Variants in SHC2 observed in about 807,000 individuals in gnomAD.
The protein encoded by SHC2 is SHC adaptor protein 2, also known as SHC-transforming protein 2.
A neutral mutation model predicts 60.6 loss-of-function variants in SHC2; 62 were observed. The observed-to-expected ratio is 1.02, with a 90% CI of 0.83 to 1.26. SHC2 has a LOEUF of 1.26. Ranked by LOEUF, SHC2 falls within the 50% of genes most tolerant of loss-of-function variation. The pLI is 0.00. For synonymous variants in SHC2, 375 were observed against 372.4 expected (o/e 1.01, Z -0.08); for missense variants, 873 against 822.2 (o/e 1.06, Z -0.76).
chr19:442,075 AG>A (rs1974885659), intron 1 of SHC2, among the ~76,000 whole-genome samples: 1 of 152,248 alleles, frequency 6.6e-6, no homozygotes. Context: ...GATGACGGGC[AG>A]GGGCTCATCC....
chr19:424,429 G>C lies in SHC2; in HGVS notation c.1309+668C>G, dbSNP rs1974357417. On this transcript the variant is annotated intron_variant, in intron 10 of 12. Coordinates refer to ENST00000264554, the MANE Select transcript of SHC2 (RefSeq NM_012435.3). This position sits in a 1 kb window ranked among gnomAD's most constrained non-coding sequence, Gnocchi z 4.5. ...TCCTCAGACCCCGGAGTCACGTGAA[G>C]AGAAAACTCATCAGACTAGGGAGAC... Among the ~76,000 whole-genome samples the C allele has an allele frequency of 6.6e-6, 1 of 152,112 alleles. No individual in the cohort carries two copies. Among genetic ancestry groups the C allele is most frequent in the African/African-American group, 2.4e-5 (1 of 41,420 alleles).
Position 422,041 on chromosome 19 carries a change from TCCCACC to T in SHC2, c.1620+99_1620+104del. ...GAGACCCTCGAGACCCTTGAGACCC[TCCCACC>T]TGTGCCCAGCGAAGCCCCTGGATGC... On this transcript the variant is annotated intron_variant, in intron 11 of 12. Transcript: ENST00000264554. This position sits in a 1 kb window ranked among gnomAD's most constrained non-coding sequence, Gnocchi z 5.0. 3.7e-6 allele frequency: 2 copies of T among 534,120 alleles called. No homozygotes were observed. The highest frequency in any genetic ancestry group is 3.6e-4 in the East Asian group (1 of 2,798). The allele number at this position is 534,120 out of a possible 1,614,324, so 33.1% of individuals were successfully genotyped here.
chr19:455,394 G>C (rs932612955), intron 1 of SHC2, among the ~76,000 whole-genome samples: 6 of 152,362 alleles, frequency 3.9e-5, no homozygotes, highest in African/African-American at 1.4e-4. Context: ...GTTGTGGGGA[G>C]AATGGAACCC....
chr19:419,179 C>G, intron 11 of SHC2, 123 bp from the exon 12 acceptor site: 3 of 1,130,266 alleles, frequency 2.7e-6, no homozygotes, highest in Middle Eastern at 3.1e-4. Flanking sequence ...AGGGGCCGGA[C>G]CAGGGAATTC....
rs1335370332 is a variant in SHC2, at chr19:422,227, G to A, written c.1539C>T (p.Val513=). The A allele has an allele frequency of 1.2e-6, 2 of 1,612,584 alleles. No homozygotes were observed. Among genetic ancestry groups the A allele is most frequent in the Non-Finnish European group, 1.7e-6 (2 of 1,179,672 alleles). ...TGAGGACATACTGCCCGGGGTTGGT[G>A]ACGCTGTCTCGCACAAGGAAGTCCC... The part of the protein sequence containing the change: ...ADGDFLVRDS[V]TNPGQYVLTG... Residue 513 remains valine, a synonymous_variant, in exon 11 of 13, where the codon GTC becomes GTT. Coordinates refer to ENST00000264554, the MANE Select transcript of SHC2 (RefSeq NM_012435.3). This position sits in a 1 kb window ranked among gnomAD's most constrained non-coding sequence, Gnocchi z 5.0.
rs1435009629 is a variant in SHC2 at position 453,659 on chromosome 19, A to G, written c.468+6870T>C. 6.6e-6 allele frequency among the ~76,000 whole-genome samples: 1 copy of G among 152,146 alleles called. No individual in the cohort carries two copies. Among genetic ancestry groups the G allele is most frequent in the Non-Finnish European group, 1.5e-5 (1 of 68,032 alleles). The stretch of plus-strand genomic sequence containing the variant: ...ACCTGACCCCTCGCCTTCAAGGAAA[A>G]GCTGCATTTGGAGCTGAACCATCTC... On this transcript the variant is annotated intron_variant, in intron 1 of 12. Coordinates refer to ENST00000264554, the MANE Select transcript of SHC2 (RefSeq NM_012435.3). The surrounding 1 kb of genome is among the most constrained non-coding windows in gnomAD (Gnocchi z 6.3).
Position 422,403 on chromosome 19 carries a change from T to A in SHC2, c.1363A>T (p.Thr455Ser), listed in dbSNP as rs1259996165. ...TCCTCCAAGGGAAGAGGGGCTGCTG[T>A]CACGCCTGCCGCCACTGAGCACTCA... ...LHECSVAAGV[T>S]AAPLPLEDQW... is the part of the protein sequence containing the mutation. Residue 455 changes from threonine to serine, a missense_variant, in exon 11 of 13, where the codon ACA becomes TCA. Transcript: ENST00000264554. The surrounding 1 kb of genome is among the most constrained non-coding windows in gnomAD (Gnocchi z 5.0). 2.5e-6 allele frequency: 4 copies of A among 1,594,284 alleles called. No homozygotes were observed.
intron 9 of SHC2, among the ~76,000 whole-genome samples, chr19:429,338 A>G (rs1351781814): frequency 6.7e-6 from 1 of 149,068 alleles, no homozygotes; most frequent in Non-Finnish European, 1.5e-5. Context: ...TGGATGACGC[A>G]GTACCTATAC....
chr19:423,191 CG>C (rs1307370150), intron 10 of SHC2, among the ~76,000 whole-genome samples: 5 of 62,708 alleles, frequency 8.0e-5, no homozygotes, highest in African/African-American at 3.6e-4. Flanking sequence ...GGGGTCCTCC[CG>C]CCCTGACCCT....
rs777843619 is a variant in SHC2 at position 438,933 on chromosome 19, C to T, written c.600+37G>A. ...CAGCGTCCCCACAGCCCCCGACTGC[C>T]CCACCAGCCCCACGAGAGACCACAA... On this transcript the variant is annotated intron_variant, in intron 3 of 12. Transcript: ENST00000264554. This position sits in a 1 kb window ranked among gnomAD's most constrained non-coding sequence, Gnocchi z 5.0. The T allele has an allele frequency of 1.1e-5, 17 of 1,576,672 alleles. No homozygotes were observed. The highest frequency in any genetic ancestry group is 2.3e-5 in the South Asian group (2 of 86,486).
Position 458,587 on chromosome 19 carries a change from CG to C in SHC2, c.468+1941del, listed in dbSNP as rs1358360824. Among the ~76,000 whole-genome samples, 22 of 103,670 alleles carry C rather than the reference CG, an allele frequency of 2.1e-4. 3 individuals are homozygous for C. Among genetic ancestry groups the C allele is most frequent in the African/African-American group, 5.8e-4 (16 of 27,590 alleles). The allele number at this position is 103,670 out of a possible 152,430, so 68.0% of individuals were successfully genotyped here. A position where few individuals can be genotyped will look rare whatever the true frequency, so the allele number is the denominator to read the frequency against. On this transcript the variant is annotated intron_variant, in intron 1 of 12. Transcript: ENST00000264554. The stretch of plus-strand genomic sequence containing the variant: ...GTCCTGGGGAGGCGGAAGCGGGTTC[CG>C]GGGGACGGGGAAGTGGGTTCCAGGG...
rs529870531 is a variant in SHC2, at chr19:418,127, G to A, written c.*5+796C>T. 2.8e-4 allele frequency among the ~76,000 whole-genome samples: 42 copies of A among 152,178 alleles called. No individual in the cohort carries two copies. The South Asian group carries it at 4.8e-3, about 17-fold the overall frequency. ...TCCACACCCTACCATGGGTCCCCCCGGGCCCCGCACCAAAAGTGGAGGCCT... is the reference window on the plus strand; with the variant it reads ...TCCACACCCTACCATGGGTCCCCCCAGGCCCCGCACCAAAAGTGGAGGCCT... On this transcript the variant is annotated intron_variant, in intron 12 of 12. Transcript: ENST00000264554.
At chr19:439,369 T>G in intron 2 of SHC2, 1 of 355,370 alleles carries the variant, frequency 2.8e-6, no homozygotes, top group Non-Finnish European at 5.2e-6. Flanking sequence ...AGTGTGTCCC[T>G]GGCCTCGGCC....
chr19:427,962 A>T (rs1974464586), intron 9 of SHC2, among the ~76,000 whole-genome samples: 2 of 151,366 alleles, frequency 1.3e-5, no homozygotes, highest in South Asian at 4.2e-4. Context: ...AGGGGAGGGG[A>T]CGGCACAGGG....
At chr19:434,259 A>ATC (rs1361227722) in intron 8 of SHC2, among the ~76,000 whole-genome samples, 16 of 20,990 alleles carry the variant, frequency 7.6e-4, no homozygotes, top group African/African-American at 3.5e-3. Context: ...ATCATGAGTG[A>ATC]GTGAGATCAT....
Position 436,168 on chromosome 19 carries a change from T to A in SHC2, c.950A>T (p.Glu317Val), listed in dbSNP as rs1974711466. The A allele has an allele frequency of 6.2e-7, 1 of 1,611,178 alleles. No homozygotes were observed. The highest frequency in any genetic ancestry group is 8.5e-7 in the Non-Finnish European group (1 of 1,179,372). Reference sequence around the variant, plus strand: ...CGGGGGAGGCAGCTCTGGTTACCTTTCTGGGGGCAGCGCCACCTTGGGCGG... The same window carrying A: ...CGGGGGAGGCAGCTCTGGTTACCTTACTGGGGGCAGCGCCACCTTGGGCGG... Reference protein sequence around the residue: ...HSPPKVALPPERLAGPEESAW... With the variant: ...HSPPKVALPPVRLAGPEESAW... Residue 317 changes from glutamate to valine, a missense_variant, in exon 7 of 13, where the codon GAA becomes GTA. Transcript: ENST00000264554.
chr19:448,728 C>G (rs1303849416), intron 1 of SHC2, among the ~76,000 whole-genome samples: 1 of 152,146 alleles, frequency 6.6e-6, no homozygotes, highest in African/African-American at 2.4e-5. Context: ...AACACAACCT[C>G]GACTCAACTG....
rs376860821 is a variant in SHC2 at position 440,672 on chromosome 19, G to A, written c.539+190C>T. ...TAGAGGATCGAGGTCTGCAGGGCAC[G>A]GTGACCGACACCTGGCGTGGGGACA... On this transcript the variant is annotated intron_variant, in intron 2 of 12. Coordinates refer to ENST00000264554, the MANE Select transcript of SHC2 (RefSeq NM_012435.3). This position sits in a 1 kb window ranked among gnomAD's most constrained non-coding sequence, Gnocchi z 7.0. Among the ~76,000 whole-genome samples, 3 of 152,208 alleles carry A rather than the reference G, an allele frequency of 2.0e-5. No homozygotes were observed. The highest frequency in any genetic ancestry group is 2.1e-4 in the South Asian group (1 of 4,834).
intron 11 of SHC2, among the ~76,000 whole-genome samples, chr19:420,592 G>C (rs1383457144): frequency 6.6e-6 from 1 of 152,208 alleles, no homozygotes; most frequent in Non-Finnish European, 1.5e-5. Flanking sequence ...CATTGGCCCA[G>C]AGCAACTGTA....
Sources: allele counts gnomAD v4.1 joint callset (sites outside exome capture counted in the v4.1 genomes callset), GRCh38; gene constraint gnomAD v4.1.1; non-coding constraint Gnocchi (gnomAD v3.1); transcripts MANE v1.5; gene names NCBI Gene and HGNC (gene_info 2026-07-23, HGNC 2026-07-21).